The following GOLGA6L7 variants were observed in gnomAD, a reference collection of about 807,000 sequenced individuals.
GOLGA6L7 encodes golgin A6 family like 7.
Under a neutral mutation model 68.9 loss-of-function variants are expected in GOLGA6L7, and 29 were observed. The ratio of observed to expected loss-of-function variants is 0.42; its 90% CI spans 0.31 to 0.57. The LOEUF (loss-of-function observed/expected upper bound fraction) is 0.57, where lower values mean the gene tolerates loss of function less well. Ranked by LOEUF, GOLGA6L7 falls within the 20% of genes least tolerant of loss-of-function variation. The pLI is 0.13. For missense variants in GOLGA6L7, 396 were observed against 588.4 expected (o/e 0.67, Z 3.38); for synonymous variants, 133 against 197.4 (o/e 0.67, Z 2.73).
chr15:28,846,924 G>T (rs891041284), intron 2 of GOLGA6L7, 140 bp downstream of exon 2: 3 of 551,712 alleles, frequency 5.4e-6, no homozygotes, highest in Non-Finnish European at 9.2e-6. Flanking sequence ...CGTGTCCCTC[G>T]CAGTTGGAGA....
Position 28,842,773 on chromosome 15 carries a change from CGCA to C in GOLGA6L7, c.1328_1330del (p.Met443del), listed in dbSNP as rs2030243883. ...CTCCCCCATCTGCTCCTCCTGCTTCCGCATCTGCTCCTCCTGCTCCCCCATCTG... is the reference window on the plus strand; with the variant it reads ...CTCCCCCATCTGCTCCTCCTGCTTCCTCTGCTCCTCCTGCTCCCCCATCTG... On this transcript the variant is annotated inframe_deletion, in exon 9 of 9. Coordinates refer to ENST00000567390, the MANE Select transcript of GOLGA6L7 (RefSeq NM_001365371.2). The C allele has an allele frequency of 8.0e-7, 1 of 1,245,308 alleles. No homozygotes were observed. The highest frequency in any genetic ancestry group is 1.7e-5 in the African/African-American group (1 of 58,824). The allele number at this position is 1,245,308 out of a possible 1,614,324, so 77.1% of individuals were successfully genotyped here. A position where few individuals can be genotyped will look rare whatever the true frequency, so the allele number is the denominator to read the frequency against.
At position 28,842,076 on chromosome 15, in the gene GOLGA6L7, C is replaced by G; in HGVS notation, c.*159G>C. On this transcript the variant is annotated 3_prime_UTR_variant, in exon 9 of 9. Coordinates refer to ENST00000567390, the MANE Select transcript of GOLGA6L7 (RefSeq NM_001365371.2). The stretch of plus-strand genomic sequence containing the variant: ...GGGATTGGTGATCCACCCGCCTAGG[C>G]CTCCCAAAGTGGTGTGATTACAGGT... The G allele has an allele frequency of 1.9e-6, 1 of 516,768 alleles. No individual in the cohort carries two copies. Among genetic ancestry groups the G allele is most frequent in the Non-Finnish European group, 2.9e-6 (1 of 342,282 alleles). The allele number at this position is 516,768 out of a possible 1,614,324, so 32.0% of individuals were successfully genotyped here.
At chr15:28,844,350 A>G (rs2030330205) in intron 6 of GOLGA6L7, 87 bp from the exon 7 acceptor site, 2 of 419,054 alleles carry the variant, frequency 4.8e-6, no homozygotes, top group Non-Finnish European at 8.4e-6. Context: ...GATACTCCAC[A>G]GTAACACTTG....
In GOLGA6L7 at chr15:28,845,911, T is replaced by G; in HGVS notation, c.250A>C (p.Arg84=). The G allele has an allele frequency of 7.8e-7, 1 of 1,276,818 alleles. No homozygotes were observed. Among genetic ancestry groups the G allele is most frequent in the Non-Finnish European group, 1.1e-6 (1 of 887,184 alleles). The allele number at this position is 1,276,818 out of a possible 1,614,324, so 79.1% of individuals were successfully genotyped here. The change falls in exon 4 of 9, where the codon AGG becomes CGG. Residue 84 remains arginine (R), a synonymous_variant. Coordinates refer to ENST00000567390, the MANE Select transcript of GOLGA6L7 (RefSeq NM_001365371.2). The part of the protein sequence containing the change: ...ASHQHQQALR[R]QLEAQDHTIR... Reference sequence around the variant, plus strand: ...CACCCTCCACTCACCTCTAGCTGCCTCCTTAGGGCTTGCTGATGTTGGTGG... The same window carrying G: ...CACCCTCCACTCACCTCTAGCTGCCGCCTTAGGGCTTGCTGATGTTGGTGG...
chr15:28,848,493 T>C lies in GOLGA6L7; in HGVS notation c.51+6A>G. On this transcript the variant is annotated splice_donor_region_variant and intron_variant, in intron 1 of 8. Coordinates refer to ENST00000567390, the MANE Select transcript of GOLGA6L7 (RefSeq NM_001365371.2). ...GGTTGGGGTGCTGCAATCCGATGCGTTTTACCTTTTTCTTGGTCCCAGCCA... is the reference window on the plus strand; with the variant it reads ...GGTTGGGGTGCTGCAATCCGATGCGCTTTACCTTTTTCTTGGTCCCAGCCA... 1 of 702,578 alleles carries C rather than the reference T, an allele frequency of 1.4e-6. No individual in the cohort carries two copies. The highest frequency in any genetic ancestry group is 1.7e-5 in the African/African-American group (1 of 57,282). 43.5% of individuals were successfully genotyped at this position (702,578 alleles called of 1,614,324 possible).
rs555398136 is a variant in GOLGA6L7, at chr15:28,846,855, T to G, written c.180+209A>C. 81 of 515,832 alleles carry G rather than the reference T, an allele frequency of 1.6e-4. No individual in the cohort carries two copies. The East Asian group carries it at 2.3e-3, about 15-fold the overall frequency. 32.0% of individuals were successfully genotyped at this position (515,832 alleles called of 1,614,324 possible). A position where few individuals can be genotyped will look rare whatever the true frequency, so the allele number is the denominator to read the frequency against. On this transcript the variant is annotated intron_variant, in intron 2 of 8. Transcript: ENST00000567390. ...CACACATGTAAGTAAAACATTACCA[T>G]CCCCATTTTACAGATGTGAAAAGAG...
rs1486745199 is a variant in GOLGA6L7 at position 28,842,172 on chromosome 15, C to T, written c.*63G>A. The T allele has an allele frequency of 1.7e-6, 2 of 1,204,542 alleles. No homozygotes were observed. Among genetic ancestry groups the T allele is most frequent in the African/African-American group, 1.6e-5 (1 of 63,112 alleles). The allele number at this position is 1,204,542 out of a possible 1,614,324, so 74.6% of individuals were successfully genotyped here. On this transcript the variant is annotated 3_prime_UTR_variant, in exon 9 of 9. Transcript: ENST00000567390. ...ATTTTCTTTTTTTCAAGTTTGTTCT[C>T]AGACTGTATTCACAAGGTCACATGG...
rs4079650 is a variant in GOLGA6L7 at position 28,845,536 on chromosome 15, G to C, written c.455C>G (p.Ala152Gly). 1.4e-6 allele frequency: 1 copy of C among 716,928 alleles called. No homozygotes were observed. The highest frequency in any genetic ancestry group is 2.5e-6 in the Non-Finnish European group (1 of 398,154). The allele number at this position is 716,928 out of a possible 1,614,324, so 44.4% of individuals were successfully genotyped here. A position where few individuals can be genotyped will look rare whatever the true frequency, so the allele number is the denominator to read the frequency against. The change falls in exon 6 of 9, where the codon GCG becomes GGG. Residue 152 changes from alanine (A) to glycine (G), a missense_variant. Physicochemically the swap from Ala to Gly is moderately conservative, Grantham distance 60. Coordinates refer to ENST00000567390, the MANE Select transcript of GOLGA6L7 (RefSeq NM_001365371.2). The part of the protein sequence containing the change: ...LSAMSAEHER[A>G]DKYIKELTKE... The stretch of plus-strand genomic sequence containing the variant: ...GTAGGTGGTTGGACTCACCTTGTCC[G>C]CCCTCTCGTGCTCTGCGGACATAGC...
intron 1 of GOLGA6L7, among the ~76,000 whole-genome samples, chr15:28,847,566 T>C (rs2030486009): frequency 6.6e-6 from 1 of 152,220 alleles, no homozygotes; most frequent in Non-Finnish European, 1.5e-5. Flanking sequence ...TTCTGTTAAA[T>C]GTGGGAATTA....
Position 28,843,101 on chromosome 15 carries a change from C to CCATCTGCTCCTCCTGCTCCCG in GOLGA6L7, c.1002_1003insCGGGAGCAGGAGGAGCAGATG (p.Met334_Gly335insArgGluGlnGluGluGlnMet). 8.8e-7 allele frequency: 1 copy of CCATCTGCTCCTCCTGCTCCCG among 1,136,118 alleles called. No homozygotes were observed. The highest frequency in any genetic ancestry group is 2.7e-5 in the African/African-American group (1 of 36,780). 70.4% of individuals were successfully genotyped at this position (1,136,118 alleles called of 1,614,324 possible). ...TTCCGCATCTGCTCCTCCTGCTCCC[C>CCATCTGCTCCTCCTGCTCCCG]CATCTGCTCCTCCTGCTTCCCCATC... is the stretch of plus-strand genomic sequence containing the variant. On this transcript the variant is annotated inframe_insertion, in exon 9 of 9. Coordinates refer to ENST00000567390, the MANE Select transcript of GOLGA6L7 (RefSeq NM_001365371.2).
chr15:28,845,479 C>T, intron 6 of GOLGA6L7, 50 bp downstream of exon 6: 1 of 701,954 alleles, frequency 1.4e-6, no homozygotes, highest in East Asian at 2.7e-5. Context: ...GCTCATTCCT[C>T]CATCTGCGAA....
rs1377129694 is a variant in GOLGA6L7, at chr15:28,846,501, C to T, written c.181-252G>A. Reference sequence around the variant, plus strand: ...GGAAAAGACAGTAACATAAACCTTCCGACATAAGAGTGTGAGAAAAGCCCA... The same window carrying T: ...GGAAAAGACAGTAACATAAACCTTCTGACATAAGAGTGTGAGAAAAGCCCA... On this transcript the variant is annotated intron_variant, in intron 2 of 8. Coordinates refer to ENST00000567390, the MANE Select transcript of GOLGA6L7 (RefSeq NM_001365371.2). 2.6e-5 allele frequency among the ~76,000 whole-genome samples: 4 copies of T among 152,260 alleles called. No individual in the cohort carries two copies. The East Asian group carries it at 5.8e-4, about 22-fold the overall frequency.
In GOLGA6L7 at chr15:28,842,616, C is replaced by T. The variant is rs560508083; in HGVS notation, c.1488G>A (p.Val496=). 2.3e-6 allele frequency: 3 copies of T among 1,301,598 alleles called. No homozygotes were observed. The highest frequency in any genetic ancestry group is 3.7e-5 in the Admixed American group (1 of 27,214). 80.6% of individuals were successfully genotyped at this position (1,301,598 alleles called of 1,614,324 possible). A position where few individuals can be genotyped will look rare whatever the true frequency, so the allele number is the denominator to read the frequency against. The change falls in exon 9 of 9, where the codon GTG becomes GTA. Residue 496 remains valine, a synonymous_variant. Transcript: ENST00000567390. ...GEQEEQMRKQ[V]ERLQFKEERL... is the part of the protein sequence containing the mutation. The stretch of plus-strand genomic sequence containing the variant: ...TCTCCTCCTTGAATTGCAGCCTCTC[C>T]ACCTGCTTCCGCATCTGCTCCTCCT...
At chr15:28,846,174 C>A (rs772274312) in intron 3 of GOLGA6L7, 46 bp downstream of exon 3, 1 of 727,174 alleles carries the variant, frequency 1.4e-6, no homozygotes, top group South Asian at 1.5e-5. Context: ...TGAGTGCCCC[C>A]CAAACCCAGC....
rs1307783483 is a variant in GOLGA6L7, at chr15:28,842,280, G to A, written c.1824C>T (p.Phe608=). ...PGLGSTSCIP[F]FYGGDKKKIK... ...TCTTTTTCTTGTCTCCTCCGTAGAA[G>A]AATGGGATGCAGGAGGTGCTGCCTA... Residue 608 remains phenylalanine, a synonymous_variant, in exon 9 of 9, where the codon TTC becomes TTT. Transcript: ENST00000567390. The A allele has an allele frequency of 3.3e-6, 4 of 1,229,856 alleles. No individual in the cohort carries two copies. The highest frequency in any genetic ancestry group is 4.1e-6 in the Non-Finnish European group (4 of 985,012). The allele number at this position is 1,229,856 out of a possible 1,614,324, so 76.2% of individuals were successfully genotyped here. A position where few individuals can be genotyped will look rare whatever the true frequency, so the allele number is the denominator to read the frequency against.
At chr15:28,848,121 C>A (rs1227154508) in intron 1 of GOLGA6L7, among the ~76,000 whole-genome samples, 1 of 152,062 alleles carries the variant, frequency 6.6e-6, no homozygotes, top group East Asian at 1.9e-4. Flanking sequence ...AGTGGGGAGC[C>A]CCAGGAGTCA....
chr15:28,844,668 C>T (rs951605616), intron 6 of GOLGA6L7, among the ~76,000 whole-genome samples: 4 of 151,772 alleles, frequency 2.6e-5, no homozygotes, highest in African/African-American at 7.3e-5. Flanking sequence ...AGCTGGCTAA[C>T]AGGGGCCCAG....
chr15:28,842,693 TCTG>T lies in GOLGA6L7; in HGVS notation c.1408_1410del (p.Gln470del), dbSNP rs2030238053. On this transcript the variant is annotated inframe_deletion, in exon 9 of 9. Coordinates refer to ENST00000567390, the MANE Select transcript of GOLGA6L7 (RefSeq NM_001365371.2). The stretch of plus-strand genomic sequence containing the variant: ...CCCATCTGCTCCTCCTGCTTCCTCA[TCTG>T]CTCCTCCTGCTCCCCCATCTGCTCC... 1.5e-6 allele frequency: 2 copies of T among 1,295,108 alleles called. No individual in the cohort carries two copies. Among genetic ancestry groups the T allele is most frequent in the African/African-American group, 3.1e-5 (2 of 63,570 alleles). 80.2% of individuals were successfully genotyped at this position (1,295,108 alleles called of 1,614,324 possible). A position where few individuals can be genotyped will look rare whatever the true frequency, so the allele number is the denominator to read the frequency against.
chr15:28,845,157 C>G, intron 6 of GOLGA6L7: 1 of 396,998 alleles, frequency 2.5e-6, no homozygotes, highest in South Asian at 2.1e-5. Context: ...CACACACACA[C>G]ACACACACGT....
Sources: allele counts gnomAD v4.1 joint callset (sites outside exome capture counted in the v4.1 genomes callset), GRCh38; gene constraint gnomAD v4.1.1; transcripts MANE v1.5; gene names NCBI Gene and HGNC (gene_info 2026-07-23, HGNC 2026-07-21).